The following ARHGEF9 variants were observed in gnomAD, a reference collection of about 807,000 sequenced individuals.
ARHGEF9 encodes the protein Cdc42 guanine nucleotide exchange factor 9, also known as rho guanine nucleotide exchange factor 9.
In ARHGEF9, 2 loss-of-function variants were observed where a neutral mutation model predicts 41.3. The observed-to-expected ratio is 0.05, with a 90% CI of 0.02 to 0.15. ARHGEF9 has a LOEUF of 0.15. Ranked by LOEUF, ARHGEF9 falls within the 10% of genes least tolerant of loss-of-function variation. The pLI is 1.00. For missense variants in ARHGEF9, 225 were observed against 424.7 expected (o/e 0.53, Z 4.13); for synonymous variants, 160 against 154.4 (o/e 1.04, Z -0.27).
rs782485525 is a variant in ARHGEF9, at chrX:63,637,758, C to T, written c.*270G>A. 2 of 259,883 alleles carry T rather than the reference C, an allele frequency of 7.7e-6. No homozygotes were observed. Among genetic ancestry groups the T allele is most frequent in the Non-Finnish European group, 1.3e-5 (2 of 149,180 alleles). 21.4% of individuals were successfully genotyped at this position (259,883 alleles called of 1,213,427 possible). ...ATGGAAAACTTTTAAGACGGAATCA[C>T]ATGTTTGGAAGTCATTGGTACCTCT... On this transcript the variant is annotated 3_prime_UTR_variant, in exon 10 of 10. Coordinates refer to ENST00000671741, the MANE Select transcript of ARHGEF9 (RefSeq NM_001353921.2).
At chrX:63,682,738 G>A (rs2050736924) in intron 4 of ARHGEF9, among the ~76,000 whole-genome samples, 1 of 111,403 alleles carries the variant, frequency 9.0e-6, no homozygotes, top group East Asian at 2.8e-4. Flanking sequence ...AAAACCACAC[G>A]GTTATTTCAA....
intron 1 of ARHGEF9, among the ~76,000 whole-genome samples, chrX:63,766,104 T>C (rs1411950943): frequency 8.9e-6 from 1 of 112,509 alleles, no homozygotes; most frequent in African/African-American, 3.2e-5. Flanking sequence ...TTACTTAGCA[T>C]ATAACTTCCT....
chrX:63,746,463 G>T (rs1211505146), intron 1 of ARHGEF9, among the ~76,000 whole-genome samples: 26 of 111,331 alleles, frequency 2.3e-4, no homozygotes, highest in African/African-American at 7.9e-4. Context: ...AGTCCACTAT[G>T]CAGGCTATAC....
Position 63,706,393 on chromosome X carries a change from T to C in ARHGEF9, c.267A>G (p.Gly89=), listed in dbSNP as rs782454704. ...GGCAGTCTGAATTGGGGTCCAGGTGTCCGTTCTGCACATCGCTGGGCCCCT... is the reference window on the plus strand; with the variant it reads ...GGCAGTCTGAATTGGGGTCCAGGTGCCCGTTCTGCACATCGCTGGGCCCCT... The part of the protein sequence containing the change: ...VEEGPSDVQN[G]HLDPNSDCLC... Residue 89 remains glycine, a synonymous_variant, in exon 3 of 10, where the codon GGA becomes GGG. Coordinates refer to ENST00000671741, the MANE Select transcript of ARHGEF9 (RefSeq NM_001353921.2). 8.3e-7 allele frequency: 1 copy of C among 1,207,441 alleles called. No homozygotes were observed. Among genetic ancestry groups the C allele is most frequent in the Non-Finnish European group, 1.1e-6 (1 of 893,606 alleles).
chrX:63,767,090 T>A lies in ARHGEF9; in HGVS notation c.30+18026A>T, dbSNP rs782096309. On this transcript the variant is annotated intron_variant, in intron 1 of 9. Coordinates refer to ENST00000671741, the MANE Select transcript of ARHGEF9 (RefSeq NM_001353921.2). ...TGATCCACTTTAACAACCCTAAAGT[T>A]TAGGCATCTCTAGCAGTGAACACTT... 3.0e-6 allele frequency: 3 copies of A among 1,008,898 alleles called. No homozygotes were observed. In the East Asian group the frequency reaches 9.2e-5, roughly 31 times the overall value. 83.1% of individuals were successfully genotyped at this position (1,008,898 alleles called of 1,213,427 possible). A position where few individuals can be genotyped will look rare whatever the true frequency, so the allele number is the denominator to read the frequency against.
rs782064747 is a variant in ARHGEF9 at position 63,775,529 on chromosome X, T to C, written c.30+9587A>G. ...CGAGAACATGTCCTTTGCGGCAACA[T>C]GGATGGAGCTGGAGGTCATTATCCT... On this transcript the variant is annotated intron_variant, in intron 1 of 9. Coordinates refer to ENST00000671741, the MANE Select transcript of ARHGEF9 (RefSeq NM_001353921.2). Among the ~76,000 whole-genome samples, 206 of 111,896 alleles carry C rather than the reference T, an allele frequency of 1.8e-3. 1 individual carries two copies. Among genetic ancestry groups the C allele is most frequent in the African/African-American group, 6.6e-3 (204 of 30,804 alleles).
intron 1 of ARHGEF9, chrX:63,755,329 C>T: frequency 1.3e-6 from 1 of 740,874 alleles, no homozygotes; most frequent in Non-Finnish European, 1.7e-6. Context: ...TCGCTCTCCC[C>T]AGACCGGCGA....
chrX:63,764,108 A>G (rs1402724013), intron 1 of ARHGEF9, among the ~76,000 whole-genome samples: 6 of 112,432 alleles, frequency 5.3e-5, no homozygotes, highest in African/African-American at 1.9e-4. Flanking sequence ...CAAGGAACTT[A>G]AACAAATTTA....
At chrX:63,776,075 A>C (rs1556458279) in intron 1 of ARHGEF9, among the ~76,000 whole-genome samples, 1 of 111,045 alleles carries the variant, frequency 9.0e-6, no homozygotes, top group Non-Finnish European at 1.9e-5. Flanking sequence ...TCAGCCCAGT[A>C]CATTTTGTGT....
chrX:63,754,749 G>A, intron 1 of ARHGEF9: 1 of 953,654 alleles, frequency 1.0e-6, no homozygotes, highest in Non-Finnish European at 1.3e-6. Context: ...TCGGGGGAGG[G>A]GAGGGGGATG....
chrX:63,695,840 G>C (rs1340094433), intron 4 of ARHGEF9, among the ~76,000 whole-genome samples: 1 of 111,368 alleles, frequency 9.0e-6, no homozygotes, highest in South Asian at 3.8e-4. Context: ...GTGTCTACAT[G>C]ATGAGCCCAC....
chrX:63,648,060 G>C (rs1169189595), intron 8 of ARHGEF9, among the ~76,000 whole-genome samples: 2 of 111,441 alleles, frequency 1.8e-5, no homozygotes, highest in Non-Finnish European at 3.8e-5. Flanking sequence ...CCCCAATCTA[G>C]CAAGGCAGGT....
chrX:63,715,521 A>G (rs186495907), intron 2 of ARHGEF9, among the ~76,000 whole-genome samples: 2 of 111,890 alleles, frequency 1.8e-5, no homozygotes, highest in East Asian at 2.8e-4. Context: ...TGTTTGGGCT[A>G]TGCCATTTAC....
intron 1 of ARHGEF9, among the ~76,000 whole-genome samples, chrX:63,778,371 A>C (rs1394238821): frequency 8.9e-6 from 1 of 111,987 alleles, no homozygotes; most frequent in African/African-American, 3.2e-5. Context: ...TGGCCCATGA[A>C]ACCATTTTTT....
chrX:63,694,670 A>G (rs1355122497), intron 4 of ARHGEF9, among the ~76,000 whole-genome samples: 1 of 112,263 alleles, frequency 8.9e-6, no homozygotes, highest in Non-Finnish European at 1.9e-5. Context: ...TAAAAAGGAG[A>G]TCAATGTTTG....
intron 7 of ARHGEF9, among the ~76,000 whole-genome samples, chrX:63,661,641 C>T (rs1194383429): frequency 9.0e-6 from 1 of 111,682 alleles, no homozygotes; most frequent in Admixed American, 9.5e-5. Context: ...AGAGTGGTGA[C>T]AGCAAAAATT....
chrX:63,667,891 T>C (rs1167533116), intron 6 of ARHGEF9, among the ~76,000 whole-genome samples: 3 of 111,023 alleles, frequency 2.7e-5, no homozygotes, highest in African/African-American at 9.9e-5. Flanking sequence ...AGCGATTTCC[T>C]GCTGGAGGGA....
At chrX:63,737,030 C>T (rs1411260144) in intron 1 of ARHGEF9, 1 of 111,664 alleles carries the variant, frequency 9.0e-6, no homozygotes, top group East Asian at 2.8e-4. Flanking sequence ...GTGCTCTTCT[C>T]TCCCACTGCT....
chrX:63,764,790 C>T (rs2056087613), intron 1 of ARHGEF9, among the ~76,000 whole-genome samples: 1 of 110,002 alleles, frequency 9.1e-6, no homozygotes. Context: ...GGTGGGGGAA[C>T]AACACACACT....
Sources: allele counts gnomAD v4.1 joint callset (sites outside exome capture counted in the v4.1 genomes callset), GRCh38; gene constraint gnomAD v4.1.1; transcripts MANE v1.5; gene names NCBI Gene and HGNC (gene_info 2026-07-23, HGNC 2026-07-21).